Variants in DNAH11 observed in about 807,000 individuals in gnomAD.
The protein encoded by DNAH11 is dynein axonemal heavy chain 11, also known as axonemal beta dynein heavy chain 11.
A neutral mutation model predicts 526.0 loss-of-function variants in DNAH11; 442 were observed. The observed-to-expected ratio is 0.84, with a 90% CI of 0.78 to 0.91. The LOEUF (loss-of-function observed/expected upper bound fraction) is 0.91, where lower values mean the gene tolerates loss of function less well. DNAH11 is among the 40% of genes least tolerant of loss of function. DNAH11 has a pLI of 0.00. For synonymous variants in DNAH11, 2,461 were observed against 1,935.9 expected, an observed-to-expected ratio of 1.27 and a Z score of -7.12; for missense variants, 6,989 against 5,448.7, an observed-to-expected ratio of 1.28 and a Z score of -8.90.
chr7:21,843,486 T>G (rs952983326), intron 66 of DNAH11, among the ~76,000 whole-genome samples: 40 of 150,086 alleles, frequency 2.7e-4, no homozygotes, highest in African/African-American at 7.6e-4. Context: ...TTTTTTGTTT[T>G]TTTTTTTTTT....
At chr7:21,663,240 G>T (rs1782303358) in intron 30 of DNAH11, among the ~76,000 whole-genome samples, 1 of 152,030 alleles carries the variant, frequency 6.6e-6, no homozygotes, top group Admixed American at 6.6e-5. Context: ...GGCCACTTAG[G>T]TTGATTCCGT....
rs756474495 is a variant in DNAH11 at position 21,681,593 on chromosome 7, A to G, written c.5376A>G (p.Pro1792=). 4.3e-6 allele frequency: 7 copies of G among 1,613,762 alleles called. No homozygotes were observed. The highest frequency in any genetic ancestry group is 5.1e-6 in the Non-Finnish European group (6 of 1,179,806). Reference sequence around the variant, plus strand: ...TTACACTTTTGCTGGGAGAACTTCCACCTGGAGACAGACAGAAGATCATGA... The same window carrying G: ...TTACACTTTTGCTGGGAGAACTTCCGCCTGGAGACAGACAGAAGATCATGA... ...TLITLLLGEL[P]PGDRQKIMTI... The change falls in exon 31 of 82, where the codon CCA becomes CCG. Residue 1792 remains proline (P), a synonymous_variant. Transcript: ENST00000409508.
chr7:21,616,797 T>C (rs1785802196), intron 22 of DNAH11, among the ~76,000 whole-genome samples: 1 of 152,184 alleles, frequency 6.6e-6, no homozygotes, highest in Admixed American at 6.5e-5. Context: ...TGTAATTTGG[T>C]ACTTATTGGA....
chr7:21,646,413 A>G (rs557617306), intron 28 of DNAH11, among the ~76,000 whole-genome samples: 1 of 152,342 alleles, frequency 6.6e-6, no homozygotes, highest in East Asian at 1.9e-4. Context: ...TGGAGTGAGC[A>G]CTATGATTGT....
At position 21,725,948 on chromosome 7, in the gene DNAH11, T is replaced by G. The variant is rs1199909277; in HGVS notation, c.7404T>G (p.Ile2468Met). The change falls in exon 45 of 82, where the codon ATT becomes ATG. Residue 2468 changes from isoleucine to methionine, a missense_variant. Transcript: ENST00000409508. ...TKKLLPWADK[I>M]AQFTMDPDVP... ...AATTATTGCCCTGGGCTGACAAAAT[T>G]GCCCAGTTTACTATGGATCCAGATG... 1 of 1,559,182 alleles carries G rather than the reference T, an allele frequency of 6.4e-7. No individual in the cohort carries two copies. Among genetic ancestry groups the G allele is most frequent in the South Asian group, 1.2e-5 (1 of 84,474 alleles).
intron 73 of DNAH11, among the ~76,000 whole-genome samples, chr7:21,869,923 C>G (rs2128036417): frequency 6.6e-6 from 1 of 152,284 alleles, no homozygotes; most frequent in Non-Finnish European, 1.5e-5. Flanking sequence ...TTAGGGGGCA[C>G]CTGAGGAATG....
At chr7:21,661,478 T>C (rs1782240980) in intron 30 of DNAH11, among the ~76,000 whole-genome samples, 1 of 152,080 alleles carries the variant, frequency 6.6e-6, no homozygotes, top group Non-Finnish European at 1.5e-5. Context: ...ATTTTTCCAT[T>C]TATCTTATGG....
intron 30 of DNAH11, among the ~76,000 whole-genome samples, chr7:21,668,168 A>T (rs1255787618): frequency 6.6e-6 from 1 of 152,146 alleles, no homozygotes; most frequent in Non-Finnish European, 1.5e-5. Context: ...TTTTTTACTT[A>T]ACACTGGGAG....
At chr7:21,663,581 C>G (rs1443131728) in intron 30 of DNAH11, among the ~76,000 whole-genome samples, 2 of 152,044 alleles carry the variant, frequency 1.3e-5, no homozygotes, top group Non-Finnish European at 2.9e-5. Context: ...TGATGTTGAG[C>G]ATTTTTTCAG....
intron 66 of DNAH11, among the ~76,000 whole-genome samples, chr7:21,850,354 C>A (rs1316511770): frequency 3.0e-3 from 367 of 122,064 alleles, no homozygotes; most frequent in Admixed American, 4.1e-3. Context: ...GACTCTGTCT[C>A]AAAAAAAAAA....
At chr7:21,748,548 T>G (rs1430577485) in intron 51 of DNAH11, 32 bp from the exon 52 acceptor site, 6 of 1,446,238 alleles carry the variant, frequency 4.1e-6, no homozygotes, top group Non-Finnish European at 2.7e-6. Flanking sequence ...CATTTTCGAT[T>G]TTGTGCCATA....
In DNAH11 at chr7:21,591,274, G is replaced by T. The variant is rs769024712; in HGVS notation, c.2364G>T (p.Glu788Asp). Residue 788 changes from glutamate (E) to aspartate (D), a missense_variant, in exon 14 of 82, where the codon GAG (glutamate) becomes GAT (aspartate). Glu to Asp is a conservative substitution (Grantham distance 45). Transcript: ENST00000409508. ...LEVEYPLIED[E>D]LRAIDEQLTA... Reference sequence around the variant, plus strand: ...TTGAATACCCTCTGATTGAAGATGAGCTGAGGGCTATTGACGAGCAGCTGA... The same window carrying T: ...TTGAATACCCTCTGATTGAAGATGATCTGAGGGCTATTGACGAGCAGCTGA... 6.2e-7 allele frequency: 1 copy of T among 1,612,506 alleles called. No homozygotes were observed. The highest frequency in any genetic ancestry group is 8.5e-7 in the Non-Finnish European group (1 of 1,178,998).
chr7:21,594,339 T>C (rs758075227), intron 14 of DNAH11, among the ~76,000 whole-genome samples: 16 of 152,146 alleles, frequency 1.1e-4, no homozygotes, highest in Non-Finnish European at 1.8e-4. Flanking sequence ...ATTTGAGAAA[T>C]ATTTATTGTG....
At chr7:21,575,307 G>A (rs1784047896) in intron 8 of DNAH11, among the ~76,000 whole-genome samples, 1 of 152,178 alleles carries the variant, frequency 6.6e-6, no homozygotes, top group Non-Finnish European at 1.5e-5. Context: ...AGTGATCCAG[G>A]TTGCTGTGTC....
At position 21,724,055 on chromosome 7, in the gene DNAH11, C is replaced by G. The variant is rs187013845; in HGVS notation, c.7267-1756C>G. Among the ~76,000 whole-genome samples, 4 of 152,300 alleles carry G rather than the reference C, an allele frequency of 2.6e-5. No individual in the cohort carries two copies. In the East Asian group the frequency reaches 7.7e-4, roughly 29 times the overall value. On this transcript the variant is annotated intron_variant, in intron 44 of 81. Transcript: ENST00000409508. ...GTTGGTTTTCTTTTCTACTTTAGAA[C>G]AGATGCGTTTTAGTTGAATTAATTA...
At chr7:21,681,915 CA>C (rs1377395686) in intron 31 of DNAH11, among the ~76,000 whole-genome samples, 1 of 152,010 alleles carries the variant, frequency 6.6e-6, no homozygotes, top group South Asian at 2.1e-4. Flanking sequence ...ATCAGATCAT[CA>C]AAAAAAATTT....
At chr7:21,589,125 T>C in intron 11 of DNAH11, 83 bp from the exon 12 acceptor site, 1 of 1,053,008 alleles carries the variant, frequency 9.5e-7, no homozygotes, top group East Asian at 2.9e-5. Flanking sequence ...TATTATATTT[T>C]ATATATTGTA....
At chr7:21,899,527 T>G in intron 80 of DNAH11, 79 bp downstream of exon 80, 1 of 1,123,436 alleles carries the variant, frequency 8.9e-7, no homozygotes, top group Non-Finnish European at 1.3e-6. Context: ...TTACCTATGA[T>G]GGCGTCTCCT....
chr7:21,827,085 G>A (rs956136094), intron 65 of DNAH11, among the ~76,000 whole-genome samples: 5 of 152,130 alleles, frequency 3.3e-5, no homozygotes, highest in Admixed American at 1.3e-4. Context: ...AATTTGGTTC[G>A]AGTAATGGTT....
Sources: allele counts gnomAD v4.1 joint callset (sites outside exome capture counted in the v4.1 genomes callset), GRCh38; gene constraint gnomAD v4.1.1; transcripts MANE v1.5; gene names NCBI Gene and HGNC (gene_info 2026-07-23, HGNC 2026-07-21).